KCNQ1: variants seen among roughly 807,000 people sequenced by gnomAD.
KCNQ1 encodes potassium voltage-gated channel subfamily Q member 1.
A neutral mutation model predicts 72.4 loss-of-function variants in KCNQ1; 49 were observed. That is an observed-to-expected ratio of 0.68 (90% CI 0.54 to 0.86). The LOEUF (loss-of-function observed/expected upper bound fraction) is 0.86, where lower values mean the gene tolerates loss of function less well. KCNQ1 is among the 40% of genes least tolerant of loss of function. The pLI, the probability that KCNQ1 is intolerant of heterozygous loss-of-function variation, is 0.00. For missense variants in KCNQ1, 790 were observed against 945.1 expected, an observed-to-expected ratio of 0.84 and a Z score of 2.15; for synonymous variants, 450 against 412.6, an observed-to-expected ratio of 1.09 and a Z score of -1.10.
chr11:2,756,457 AAC>A (rs1491571741), intron 11 of KCNQ1, among the ~76,000 whole-genome samples: 2 of 150,304 alleles, frequency 1.3e-5, no homozygotes, highest in Non-Finnish European at 2.9e-5. Context: ...AAAAAAAAAA[AAC>A]ATGACTTTTG....
In KCNQ1 at chr11:2,679,825, C is replaced by A. The variant is rs1023021558; in HGVS notation, c.1514+17744C>A. ...AGGAGCACAAGGGGCCAGACTGCTG[C>A]TACTTCTGAATTTTATAGGACATGC... On this transcript the variant is annotated intron_variant, in intron 11 of 15. Coordinates refer to ENST00000155840, the MANE Select transcript of KCNQ1 (RefSeq NM_000218.3). This position sits in a 1 kb window ranked among gnomAD's most constrained non-coding sequence, Gnocchi z 4.8. 9.5e-5 allele frequency: 38 copies of A among 398,508 alleles called. No individual in the cohort carries two copies. The highest frequency in any genetic ancestry group is 1.7e-4 in the Non-Finnish European group (38 of 226,074). 24.7% of individuals were successfully genotyped at this position (398,508 alleles called of 1,614,324 possible).
chr11:2,834,627 T>C (rs1848023715), intron 15 of KCNQ1, among the ~76,000 whole-genome samples: 1 of 152,110 alleles, frequency 6.6e-6, no homozygotes, highest in African/African-American at 2.4e-5. Flanking sequence ...AGGCGCTTGA[T>C]GTCGGATGGA....
intron 1 of KCNQ1, among the ~76,000 whole-genome samples, chr11:2,460,479 G>A (rs1483951156): frequency 1.3e-4 from 20 of 151,692 alleles, no homozygotes; most frequent in Admixed American, 1.3e-3. Flanking sequence ...GGCCTCCACA[G>A]GCCTCCTCCC....
In KCNQ1 at chr11:2,447,125, TGGAGGAAGA is replaced by T. The variant is rs1006837556; in HGVS notation, c.386+1653_386+1661del. Among the ~76,000 whole-genome samples, 5 of 152,198 alleles carry T rather than the reference TGGAGGAAGA, an allele frequency of 3.3e-5. No homozygotes were observed. Among genetic ancestry groups the T allele is most frequent in the Non-Finnish European group, 5.9e-5 (4 of 68,030 alleles). On this transcript the variant is annotated intron_variant, in intron 1 of 15. Transcript: ENST00000155840. The surrounding 1 kb of genome is among the most constrained non-coding windows in gnomAD (Gnocchi z 7.6). Reference sequence around the variant, plus strand: ...TCCGGGCTCACTGCAGCCACCCGTGTGGAGGAAGAGGAGGAAGAGGGCTCGCCACGCCCC... The same window carrying T: ...TCCGGGCTCACTGCAGCCACCCGTGTGGAGGAAGAGGGCTCGCCACGCCCC...
At position 2,549,814 on chromosome 11, in the gene KCNQ1, A is replaced by G. The variant is rs570820919; in HGVS notation, c.478-20814A>G. On this transcript the variant is annotated intron_variant, in intron 2 of 15. Coordinates refer to ENST00000155840, the MANE Select transcript of KCNQ1 (RefSeq NM_000218.3). This position sits in a 1 kb window ranked among gnomAD's most constrained non-coding sequence, Gnocchi z 6.2. ...CAGGCCCCTATGCGCCTCCTTCCCC[A>G]TGACTGGCCCTGGGTGGCGGAGAGA... Among the ~76,000 whole-genome samples the G allele has an allele frequency of 1.3e-5, 2 of 152,164 alleles. No individual in the cohort carries two copies. The highest frequency in any genetic ancestry group is 2.9e-5 in the Non-Finnish European group (2 of 67,958).
At chr11:2,568,519 G>A (rs1848279281) in intron 2 of KCNQ1, among the ~76,000 whole-genome samples, 2 of 152,178 alleles carry the variant, frequency 1.3e-5, no homozygotes, top group Admixed American at 1.3e-4. Context: ...AACAAAGGCG[G>A]GTGTTATGGT....
At chr11:2,823,543 G>A (rs1444136148) in intron 15 of KCNQ1, among the ~76,000 whole-genome samples, 1 of 152,198 alleles carries the variant, frequency 6.6e-6, no homozygotes, top group Non-Finnish European at 1.5e-5. Context: ...GAACAGGGAG[G>A]TCCAAGCCCA....
intron 2 of KCNQ1, among the ~76,000 whole-genome samples, chr11:2,529,298 T>G (rs746481837): frequency 4.6e-5 from 7 of 152,310 alleles, no homozygotes; most frequent in South Asian, 4.1e-4. Flanking sequence ...ATGATGTCAC[T>G]TTGTGCCTCG....
At position 2,827,461 on chromosome 11, in the gene KCNQ1, C is replaced by A. The variant is rs538962700; in HGVS notation, c.1795-20306C>A. Among the ~76,000 whole-genome samples the A allele has an allele frequency of 1.5e-4, 23 of 152,218 alleles. No homozygotes were observed. The highest frequency in any genetic ancestry group is 5.3e-4 in the African/African-American group (22 of 41,528). On this transcript the variant is annotated intron_variant, in intron 15 of 15. Transcript: ENST00000155840. The surrounding 1 kb of genome is among the most constrained non-coding windows in gnomAD (Gnocchi z 6.7). The stretch of plus-strand genomic sequence containing the variant: ...GGAGGTAAAAGACATGAAGGACAGG[C>A]CCCACTCCTGTAAAACCCTACACAG...
rs531456535 is a variant in KCNQ1, at chr11:2,508,425, G to C, written c.387-19503G>C. 3.9e-3 allele frequency among the ~76,000 whole-genome samples: 591 copies of C among 152,298 alleles called. 5 individuals are homozygous for C. The highest frequency in any genetic ancestry group is 0.014 in the African/African-American group (567 of 41,574). On this transcript the variant is annotated intron_variant, in intron 1 of 15. Coordinates refer to ENST00000155840, the MANE Select transcript of KCNQ1 (RefSeq NM_000218.3). This position sits in a 1 kb window ranked among gnomAD's most constrained non-coding sequence, Gnocchi z 6.2. Reference sequence around the variant, plus strand: ...CCCTGGACACTGCACCTCAGGTCAGGACACAGCTCCCGAGGCCTGGCTGCT... The same window carrying C: ...CCCTGGACACTGCACCTCAGGTCAGCACACAGCTCCCGAGGCCTGGCTGCT...
chr11:2,781,153 T>G lies in KCNQ1; in HGVS notation c.1794+3116T>G, dbSNP rs76106980. 4.4e-3 allele frequency among the ~76,000 whole-genome samples: 673 copies of G among 152,276 alleles called. 7 individuals carry two copies. Among genetic ancestry groups the G allele is most frequent in the African/African-American group, 0.015 (637 of 41,560 alleles). On this transcript the variant is annotated intron_variant, in intron 15 of 15. Coordinates refer to ENST00000155840, the MANE Select transcript of KCNQ1 (RefSeq NM_000218.3). The surrounding 1 kb of genome is among the most constrained non-coding windows in gnomAD (Gnocchi z 6.6). ...AGTCACAAAAGCTGCCTCATGCCCT[T>G]TCTGTTTTCATCTTAGATTATTGTC...
intron 2 of KCNQ1, among the ~76,000 whole-genome samples, chr11:2,555,084 AAGGG>A (rs1278459436): frequency 1.5e-4 from 23 of 152,276 alleles, no homozygotes; most frequent in African/African-American, 5.3e-4. Context: ...CGGGCCCCTG[AAGGG>A]CCGGTGTGGG....
chr11:2,674,450 G>A lies in KCNQ1; in HGVS notation c.1514+12369G>A, dbSNP rs1305408055. On this transcript the variant is annotated intron_variant, in intron 11 of 15. Coordinates refer to ENST00000155840, the MANE Select transcript of KCNQ1 (RefSeq NM_000218.3). This position sits in a 1 kb window ranked among gnomAD's most constrained non-coding sequence, Gnocchi z 5.9. ...GACCACAGAGGCTGGGGGGAGGCACGTGGGGAGGAGGGCTGCCTGTCGAGA... is the reference window on the plus strand; with the variant it reads ...GACCACAGAGGCTGGGGGGAGGCACATGGGGAGGAGGGCTGCCTGTCGAGA... 2.0e-5 allele frequency: 8 copies of A among 398,574 alleles called. No homozygotes were observed. The highest frequency in any genetic ancestry group is 3.1e-5 in the Non-Finnish European group (7 of 226,124). 24.7% of individuals were successfully genotyped at this position (398,574 alleles called of 1,614,324 possible).
Position 2,445,543 on chromosome 11 carries a change from G to C in KCNQ1, c.386+59G>C, listed in dbSNP as rs1014113329. On this transcript the variant is annotated intron_variant, in intron 1 of 15. Transcript: ENST00000155840. Reference sequence around the variant, plus strand: ...GGTGCTTCCTGAGAGCTGGTGTGGGGGAGCTCTGTCCCAGCGCCACCTGCC... The same window carrying C: ...GGTGCTTCCTGAGAGCTGGTGTGGGCGAGCTCTGTCCCAGCGCCACCTGCC... 3.2e-6 allele frequency: 5 copies of C among 1,554,640 alleles called. No homozygotes were observed. In the South Asian group the frequency reaches 4.6e-5, roughly 14 times the overall value.
chr11:2,576,828 G>A (rs1014324249), intron 6 of KCNQ1, among the ~76,000 whole-genome samples: 16 of 152,358 alleles, frequency 1.1e-4, no homozygotes, highest in East Asian at 9.6e-4. Flanking sequence ...AAGCCAAGGC[G>A]CCGTGGGCCG....
rs1381698379 is a variant in KCNQ1, at chr11:2,734,226, G to A, written c.1515-34618G>A. On this transcript the variant is annotated intron_variant, in intron 11 of 15. Coordinates refer to ENST00000155840, the MANE Select transcript of KCNQ1 (RefSeq NM_000218.3). The surrounding 1 kb of genome is among the most constrained non-coding windows in gnomAD (Gnocchi z 7.0). ...GAACCATCCAAAGCACAGGCCAGAG[G>A]CAGATTGGGAGGGTCAGGTCCTAAG... Among the ~76,000 whole-genome samples the A allele has an allele frequency of 6.6e-6, 1 of 152,258 alleles. No individual in the cohort carries two copies. The highest frequency in any genetic ancestry group is 2.4e-5 in the African/African-American group (1 of 41,482).
At chr11:2,511,650 C>T (rs1362497248) in intron 1 of KCNQ1, among the ~76,000 whole-genome samples, 4 of 152,212 alleles carry the variant, frequency 2.6e-5, no homozygotes, top group Admixed American at 2.6e-4. Flanking sequence ...CTAAATGCAT[C>T]TGTTGTTGAA....
intron 1 of KCNQ1, among the ~76,000 whole-genome samples, chr11:2,518,486 G>A (rs576126699): frequency 1.3e-5 from 2 of 152,318 alleles, no homozygotes; most frequent in Non-Finnish European, 2.9e-5. Flanking sequence ...CAGGAGTTCT[G>A]TGTGGACCCA....
chr11:2,537,872 T>C lies in KCNQ1; in HGVS notation c.477+9854T>C, dbSNP rs1463859475. ...CTGGGACTGTGGGTGCGTGCCACCA[T>C]GCCCCGCTAATTTTTGTATTTTTTG... is the stretch of plus-strand genomic sequence containing the variant. On this transcript the variant is annotated intron_variant, in intron 2 of 15. Transcript: ENST00000155840. The surrounding 1 kb of genome is among the most constrained non-coding windows in gnomAD (Gnocchi z 5.2). Among the ~76,000 whole-genome samples the C allele has an allele frequency of 6.6e-6, 1 of 152,124 alleles. No individual in the cohort carries two copies. Among genetic ancestry groups the C allele is most frequent in the African/African-American group, 2.4e-5 (1 of 41,394 alleles).
Sources: allele counts gnomAD v4.1 joint callset (sites outside exome capture counted in the v4.1 genomes callset), GRCh38; gene constraint gnomAD v4.1.1; non-coding constraint Gnocchi (gnomAD v3.1); transcripts MANE v1.5; gene names NCBI Gene and HGNC (gene_info 2026-07-23, HGNC 2026-07-21).